RNF103: variants seen among roughly 807,000 people sequenced by gnomAD.
The protein encoded by RNF103 is E3 ubiquitin-protein ligase RNF103.
A neutral mutation model predicts 66.2 loss-of-function variants in RNF103; 23 were observed. The ratio of observed to expected loss-of-function variants is 0.35; its 90% CI spans 0.25 to 0.49. RNF103 has a LOEUF of 0.49. RNF103 is among the 20% of genes least tolerant of loss of function. The pLI, the probability that RNF103 is intolerant of heterozygous loss-of-function variation, is 0.98. For missense variants in RNF103, 730 were observed against 814.7 expected, an observed-to-expected ratio of 0.90 and a Z score of 1.27; for synonymous variants, 297 against 289.9, an observed-to-expected ratio of 1.02 and a Z score of -0.25.
Position 86,620,467 on chromosome 2 carries a change from C to T in RNF103, c.229G>A (p.Asp77Asn). ...GAATAGAGCTCACCCTCCATCAAGT[C>T]ACCTGAAGAAAGGAAAAGAATAACA... Reference protein sequence around the residue: ...DVRELVEKSGDLMEGELYSAL... With the variant: ...DVRELVEKSGNLMEGELYSAL... The change falls in exon 2 of 4, where the codon GAC (aspartate) becomes AAC (asparagine). Residue 77 changes from aspartate (D) to asparagine (N), a missense_variant and splice_region_variant. Coordinates refer to ENST00000237455, the MANE Select transcript of RNF103 (RefSeq NM_005667.4). The T allele has an allele frequency of 1.3e-6, 2 of 1,571,076 alleles. No homozygotes were observed. Among genetic ancestry groups the T allele is most frequent in the Middle Eastern group, 1.7e-4 (1 of 5,910 alleles).
chr2:86,619,771 A>C (rs1679154212), intron 2 of RNF103, among the ~76,000 whole-genome samples: 1 of 152,208 alleles, frequency 6.6e-6, no homozygotes, highest in Non-Finnish European at 1.5e-5. Flanking sequence ...ATGCTAATTA[A>C]GTCTCACAGT....
At chr2:86,605,496 A>G in intron 3 of RNF103, 78 bp from the exon 4 acceptor site, 2 of 1,451,102 alleles carry the variant, frequency 1.4e-6, no homozygotes, top group Non-Finnish European at 1.8e-6. Flanking sequence ...TTTCTTTAGC[A>G]CCTCACCCCA....
chr2:86,604,750 T>A lies in RNF103; in HGVS notation c.1151A>T (p.Asp384Val). Residue 384 changes from aspartate to valine, a missense_variant, in exon 4 of 4, where the codon GAT (aspartate) becomes GTT (valine). Around this residue, in one of 3 missense-constraint regions of RNF103, gnomAD observed 48 missense variants for 93.0 expected, o/e 0.52. Coordinates refer to ENST00000237455, the MANE Select transcript of RNF103 (RefSeq NM_005667.4). ...TTTTAAGCTATATTCATAAAAGCTA[T>A]CTAAGTAAGGTAGCTGTAAAAAGCC... ...VLGFLQLPYL[D>V]SFYEYSLKLL... The A allele has an allele frequency of 6.2e-7, 1 of 1,614,004 alleles. No homozygotes were observed. Among genetic ancestry groups the A allele is most frequent in the Non-Finnish European group, 8.5e-7 (1 of 1,179,974 alleles).
intron 3 of RNF103, among the ~76,000 whole-genome samples, chr2:86,609,878 A>C (rs1678723922): frequency 6.6e-6 from 1 of 152,200 alleles, no homozygotes; most frequent in African/African-American, 2.4e-5. Context: ...TCCAAAATCA[A>C]GATGATGACT....
intron 2 of RNF103, chr2:86,617,009 A>G: frequency 1.0e-6 from 1 of 985,426 alleles, no homozygotes; most frequent in Non-Finnish European, 1.2e-6. Context: ...TGAATAGCTA[A>G]TGAAAGATAT....
At chr2:86,614,228 T>G (rs991276678) in intron 2 of RNF103, 4 of 152,172 alleles carry the variant, frequency 2.6e-5, no homozygotes, top group African/African-American at 9.7e-5. Context: ...TGAAAGCTCT[T>G]TTGAAGGATG....
At chr2:86,608,179 G>A (rs1447892715) in intron 3 of RNF103, among the ~76,000 whole-genome samples, 1 of 152,098 alleles carries the variant, frequency 6.6e-6, no homozygotes, top group African/African-American at 2.4e-5. Context: ...TCCAGTTGCT[G>A]ATGTGGCATG....
In RNF103 at chr2:86,604,862, C is replaced by G. The variant is rs1678485992; in HGVS notation, c.1039G>C (p.Gly347Arg). 6.2e-7 allele frequency: 1 copy of G among 1,613,930 alleles called. No homozygotes were observed. Among genetic ancestry groups the G allele is most frequent in the Non-Finnish European group, 8.5e-7 (1 of 1,180,030 alleles). The change falls in exon 4 of 4, where the codon GGA becomes CGA. Residue 347 changes from glycine to arginine, a missense_variant. By Grantham distance (125) the Gly-to-Arg change is moderately radical. This residue lies in a region of RNF103 where 48 missense variants were observed against 93.0 expected (regional missense o/e 0.52). Coordinates refer to ENST00000237455, the MANE Select transcript of RNF103 (RefSeq NM_005667.4). ...MAWMDLFITQ[G>R]ATIKRFVVLI... The stretch of plus-strand genomic sequence containing the variant: ...ACCACAAATCGCTTTATGGTAGCTC[C>G]TTGTGTAATAAATAAGTCCATCCAA...
rs539974431 is a variant in RNF103 at position 86,604,466 on chromosome 2, C to G, written c.1435G>C (p.Glu479Gln). 5 of 1,614,216 alleles carry G rather than the reference C, an allele frequency of 3.1e-6. No homozygotes were observed. In the South Asian group the frequency reaches 5.5e-5, roughly 18 times the overall value. The change falls in exon 4 of 4, where the codon GAA (glutamate) becomes CAA (glutamine). Residue 479 changes from glutamate to glutamine, a missense_variant. By Grantham distance (29) the Glu-to-Gln change is conservative. This residue lies in a region of RNF103 where 355 missense variants were observed against 351.9 expected (regional missense o/e 1.01). Coordinates refer to ENST00000237455, the MANE Select transcript of RNF103 (RefSeq NM_005667.4). ...TCAGGGTCTTCGTCCCAATCAGATT[C>G]TACAGGAAAGTTCTGAAAAGAAGCA... The part of the protein sequence containing the change: ...PIASFQNFPV[E>Q]SDWDEDPDLF...
At chr2:86,615,087 G>T in intron 2 of RNF103, 1 of 985,370 alleles carries the variant, frequency 1.0e-6, no homozygotes, top group Non-Finnish European at 1.2e-6. Context: ...AATGAGAGGG[G>T]TTCTTCCCAG....
At chr2:86,606,040 C>A (rs1678532127) in intron 3 of RNF103, among the ~76,000 whole-genome samples, 1 of 152,162 alleles carries the variant, frequency 6.6e-6, no homozygotes, top group African/African-American at 2.4e-5. Context: ...GTAATCTGCA[C>A]AAAAGCCAAC....
chr2:86,622,633 G>A lies in RNF103; in HGVS notation c.226+28C>T, dbSNP rs979791127. On this transcript the variant is annotated intron_variant, in intron 1 of 3. Coordinates refer to ENST00000237455, the MANE Select transcript of RNF103 (RefSeq NM_005667.4). ...AGGTCGTCCCCTCTCCCAGGTGGAG[G>A]GGACCCTAGGGGAAGCCCGATACTC... is the stretch of plus-strand genomic sequence containing the variant. 2.5e-6 allele frequency: 4 copies of A among 1,611,382 alleles called. No homozygotes were observed. The East Asian group carries it at 6.7e-5, about 27-fold the overall frequency.
At position 86,623,233 on chromosome 2, in the gene RNF103, C is replaced by T. The variant is rs1201544931; in HGVS notation, c.-347G>A. On this transcript the variant is annotated 5_prime_UTR_variant, in exon 1 of 4. Transcript: ENST00000237455. ...GGGAAGAACAAAACGAGGGACGCTT[C>T]CCCCGGGGCGGGCACTGACCCAGGT... The T allele has an allele frequency of 8.9e-6, 9 of 1,009,194 alleles. No homozygotes were observed. Among genetic ancestry groups the T allele is most frequent in the Non-Finnish European group, 1.1e-5 (9 of 847,148 alleles). 62.5% of individuals were successfully genotyped at this position (1,009,194 alleles called of 1,614,324 possible). A position where few individuals can be genotyped will look rare whatever the true frequency, so the allele number is the denominator to read the frequency against.
In RNF103 at chr2:86,623,485, C is replaced by G. The variant is rs1475273909; in HGVS notation, c.-599G>C. On this transcript the variant is annotated 5_prime_UTR_variant, in exon 1 of 4. Transcript: ENST00000237455. ...GGAGCGGCCGCCGCAACGCCGCGCC[C>G]GAAGCCCAGGCCCCAGGCCCCGCCG... 3 of 982,586 alleles carry G rather than the reference C, an allele frequency of 3.1e-6. No individual in the cohort carries two copies. Among genetic ancestry groups the G allele is most frequent in the Non-Finnish European group, 2.4e-6 (2 of 828,980 alleles). The allele number at this position is 982,586 out of a possible 1,614,324, so 60.9% of individuals were successfully genotyped here.
chr2:86,614,611 G>GA (rs1464648045), intron 2 of RNF103: 1 of 275,192 alleles, frequency 3.6e-6, no homozygotes, highest in Non-Finnish European at 5.2e-6. Context: ...TCAAAAAAAA[G>GA]AGAGAAAAAA....
Position 86,603,668 on chromosome 2 carries a change from T to C in RNF103, c.*175A>G, listed in dbSNP as rs1678430231. 2 of 895,650 alleles carry C rather than the reference T, an allele frequency of 2.2e-6. No homozygotes were observed. Among genetic ancestry groups the C allele is most frequent in the Admixed American group, 3.4e-5 (1 of 29,296 alleles). 55.5% of individuals were successfully genotyped at this position (895,650 alleles called of 1,614,324 possible). ...AAAAAATTTTACAATTAGGTATGCA[T>C]TCAATTAACACACAAGGCAACCAAA... On this transcript the variant is annotated 3_prime_UTR_variant, in exon 4 of 4. Transcript: ENST00000237455.
At chr2:86,621,940 A>G (rs1679244285) in intron 1 of RNF103, among the ~76,000 whole-genome samples, 1 of 152,182 alleles carries the variant, frequency 6.6e-6, no homozygotes, top group African/African-American at 2.4e-5. Context: ...TCTCAGCACT[A>G]TTTCACGTAT....
chr2:86,606,253 T>C (rs1292940552), intron 3 of RNF103, among the ~76,000 whole-genome samples: 2 of 152,232 alleles, frequency 1.3e-5, no homozygotes, highest in Non-Finnish European at 2.9e-5. Context: ...TTTAGATTTA[T>C]GCAGTAGGAT....
chr2:86,613,568 C>T (rs13394423), intron 2 of RNF103: 2 of 152,056 alleles, frequency 1.3e-5, no homozygotes, highest in Non-Finnish European at 2.9e-5. Context: ...GGGGCCTCTA[C>T]TCTTTCTGGG....
Sources: gnomAD v4.1 joint callset for allele counts (sites outside exome capture counted in the v4.1 genomes callset) on GRCh38, gnomAD v4.1.1 for gene constraint, gnomAD v4.1.1 regional missense constraint, MANE v1.5 for transcripts, NCBI Gene and HGNC (gene_info 2026-07-23, HGNC 2026-07-21) for gene names.